Variants in SLC24A3 observed in about 807,000 individuals in gnomAD.
SLC24A3 encodes the protein solute carrier family 24 member 3.
SLC24A3 carries 28 observed loss-of-function variants against 75.8 expected under a neutral mutation model. The ratio of observed to expected loss-of-function variants is 0.37; its 90% CI spans 0.27 to 0.51. The LOEUF is 0.51. SLC24A3 is among the 20% of genes least tolerant of loss of function. The pLI, the probability that SLC24A3 is intolerant of heterozygous loss-of-function variation, is 0.94. For missense variants in SLC24A3, 663 were observed against 847.8 expected (o/e 0.78, Z 2.71); for synonymous variants, 372 against 334.1 (o/e 1.11, Z -1.24).
At chr20:19,711,535 C>T (rs1018112831) in intron 15 of SLC24A3, among the ~76,000 whole-genome samples, 1 of 134,398 alleles carries the variant, frequency 7.4e-6, no homozygotes. Context: ...CACACACATG[C>T]ATGCAAACAT....
At chr20:19,485,369 T>C (rs147388797) in intron 2 of SLC24A3, among the ~76,000 whole-genome samples, 1 of 152,234 alleles carries the variant, frequency 6.6e-6, no homozygotes, top group East Asian at 1.9e-4. Context: ...CAAGATATGT[T>C]AAGTGAAAAT....
intron 3 of SLC24A3, among the ~76,000 whole-genome samples, chr20:19,527,940 G>C (rs1163171975): frequency 6.6e-6 from 1 of 152,160 alleles, no homozygotes; most frequent in Non-Finnish European, 1.5e-5. Flanking sequence ...AGGGCGGGTG[G>C]AGTGAGGTTT....
In SLC24A3 at chr20:19,710,595, T is replaced by C. The variant is rs139950737; in HGVS notation, c.1720-6933T>C. ...AGCATTGCCTTGAAGATTTTCTGCA[T>C]TGGCACTTAATGTTCCTTGCGTCTT... On this transcript the variant is annotated intron_variant, in intron 15 of 16. Coordinates refer to ENST00000328041, the MANE Select transcript of SLC24A3 (RefSeq NM_020689.4). 2.8e-4 allele frequency among the ~76,000 whole-genome samples: 42 copies of C among 152,344 alleles called. 1 individual carries two copies. Among genetic ancestry groups the C allele is most frequent in the African/African-American group, 8.7e-4 (36 of 41,592 alleles).
intron 2 of SLC24A3, among the ~76,000 whole-genome samples, chr20:19,359,774 G>T (rs1029430684): frequency 6.6e-6 from 1 of 152,130 alleles, no homozygotes; most frequent in African/African-American, 2.4e-5. Flanking sequence ...CTTTGGGGAT[G>T]GCTTAGTTAG....
chr20:19,721,352 C>T lies in SLC24A3; in HGVS notation c.*212C>T, dbSNP rs925931634. 7 of 531,172 alleles carry T rather than the reference C, an allele frequency of 1.3e-5. No homozygotes were observed. In the Admixed American group the frequency reaches 1.4e-4, roughly 10 times the overall value. 32.9% of individuals were successfully genotyped at this position (531,172 alleles called of 1,614,324 possible). On this transcript the variant is annotated 3_prime_UTR_variant, in exon 17 of 17. Coordinates refer to ENST00000328041, the MANE Select transcript of SLC24A3 (RefSeq NM_020689.4). ...GTCATGCCCACCCACCCTTTCCTGC[C>T]TCCTCCGTGTGAAGACATCCAACAT... is the stretch of plus-strand genomic sequence containing the variant.
intron 7 of SLC24A3, among the ~76,000 whole-genome samples, chr20:19,662,970 G>A (rs973949448): frequency 3.3e-5 from 5 of 152,146 alleles, no homozygotes; most frequent in Non-Finnish European, 5.9e-5. Flanking sequence ...CGGAAGAGGC[G>A]ATGACCAGCT....
chr20:19,635,871 T>A (rs1255729243), intron 6 of SLC24A3, among the ~76,000 whole-genome samples: 1 of 152,186 alleles, frequency 6.6e-6, no homozygotes, highest in Non-Finnish European at 1.5e-5. Context: ...CCAGGCGCGG[T>A]GGCTTACACC....
chr20:19,635,422 A>G (rs2031988341), intron 6 of SLC24A3, among the ~76,000 whole-genome samples: 2 of 152,218 alleles, frequency 1.3e-5, no homozygotes, highest in Admixed American at 1.3e-4. Context: ...AGGTTGATGA[A>G]GAAGGAGTAA....
intron 2 of SLC24A3, among the ~76,000 whole-genome samples, chr20:19,441,145 G>T (rs1987292130): frequency 6.6e-6 from 1 of 152,152 alleles, no homozygotes; most frequent in African/African-American, 2.4e-5. Flanking sequence ...GCTAAGGATG[G>T]GCTGACCTCT....
intron 1 of SLC24A3, among the ~76,000 whole-genome samples, chr20:19,232,136 A>T (rs1315232025): frequency 4.1e-5 from 4 of 97,964 alleles, no homozygotes; most frequent in African/African-American, 2.2e-4. Flanking sequence ...GAAATAGAAG[A>T]AATTGAGTTA....
At chr20:19,502,309 G>A (rs556938763) in intron 2 of SLC24A3, among the ~76,000 whole-genome samples, 6 of 152,124 alleles carry the variant, frequency 3.9e-5, no homozygotes, top group African/African-American at 1.2e-4. Context: ...CCTCAGGTCC[G>A]TGACTGACTG....
At chr20:19,714,830 G>T (rs936834023) in intron 15 of SLC24A3, among the ~76,000 whole-genome samples, 2 of 152,192 alleles carry the variant, frequency 1.3e-5, no homozygotes, top group South Asian at 2.1e-4. Flanking sequence ...GGTTTAACAG[G>T]ATTCCTTTTG....
intron 2 of SLC24A3, among the ~76,000 whole-genome samples, chr20:19,308,386 A>C (rs1363787806): frequency 6.6e-6 from 1 of 152,264 alleles, no homozygotes; most frequent in Non-Finnish European, 1.5e-5. Flanking sequence ...CTGAAATTGC[A>C]GAAGACTGAA....
At chr20:19,663,437 CTTCTCA>C (rs1568689600) in intron 7 of SLC24A3, among the ~76,000 whole-genome samples, 1 of 15,306 alleles carries the variant, frequency 6.5e-5, no homozygotes, top group African/African-American at 1.1e-3. Context: ...CCTCCTCCGC[CTTCTCA>C]TCCTCCTCCA....
chr20:19,665,053 A>G (rs142027944), intron 7 of SLC24A3, among the ~76,000 whole-genome samples: 1 of 152,204 alleles, frequency 6.6e-6, no homozygotes, highest in Admixed American at 6.5e-5. Context: ...ATGATTTTAG[A>G]TGGTATATAG....
chr20:19,373,526 A>T (rs1048882601), intron 2 of SLC24A3, among the ~76,000 whole-genome samples: 1 of 152,182 alleles, frequency 6.6e-6, no homozygotes, highest in Non-Finnish European at 1.5e-5. Flanking sequence ...GTCTGGGATG[A>T]TTCCTAACTC....
intron 1 of SLC24A3, among the ~76,000 whole-genome samples, chr20:19,265,404 G>A (rs1983134976): frequency 6.6e-6 from 1 of 152,224 alleles, no homozygotes; most frequent in Non-Finnish European, 1.5e-5. Flanking sequence ...GCAAAGAAAA[G>A]AAATAGCTCT....
intron 6 of SLC24A3, among the ~76,000 whole-genome samples, chr20:19,595,425 C>T (rs6515028): frequency 0.084 from 12,809 of 152,170 alleles, 1,094 homozygotes; most frequent in East Asian, 0.31. Flanking sequence ...GTTCACAGGG[C>T]CCTTCAGCTG....
rs540975754 is a variant in SLC24A3 at position 19,622,569 on chromosome 20, A to G, written c.613-31493A>G. ...CTTGGAGTCTGTGTCGACTTTTGAG[A>G]AGGTCATTCACAACACACCATGCTT... On this transcript the variant is annotated intron_variant, in intron 6 of 16. Coordinates refer to ENST00000328041, the MANE Select transcript of SLC24A3 (RefSeq NM_020689.4). Among the ~76,000 whole-genome samples, 3 of 152,302 alleles carry G rather than the reference A, an allele frequency of 2.0e-5. No individual in the cohort carries two copies. The South Asian group carries it at 6.2e-4, about 32-fold the overall frequency.
Sources: allele counts gnomAD v4.1 joint callset (sites outside exome capture counted in the v4.1 genomes callset), GRCh38; gene constraint gnomAD v4.1.1; transcripts MANE v1.5; gene names NCBI Gene and HGNC (gene_info 2026-07-23, HGNC 2026-07-21).